Variants in NLGN1 observed in about 807,000 individuals in gnomAD.
The protein encoded by NLGN1 is neuroligin 1.
A neutral mutation model predicts 65.5 loss-of-function variants in NLGN1; 12 were observed. The observed-to-expected ratio is 0.18, with a 90% CI of 0.12 to 0.30. The LOEUF (loss-of-function observed/expected upper bound fraction) is 0.30. NLGN1 is among the 10% of genes least tolerant of loss of function. The probability of loss-of-function intolerance (pLI) is 1.00; values close to 1 mark genes in which losing one functional copy is unlikely to be tolerated. For synonymous variants in NLGN1, 350 were observed against 359.5 expected (o/e 0.97, Z 0.30); for missense variants, 750 against 1,007.1 (o/e 0.74, Z 3.46).
At chr3:173,886,992 C>G (rs1734462625) in intron 4 of NLGN1, among the ~76,000 whole-genome samples, 1 of 152,020 alleles carries the variant, frequency 6.6e-6, no homozygotes, top group Admixed American at 6.6e-5. Context: ...TATCTCTACA[C>G]TTCTTTGTCA....
intron 2 of NLGN1, among the ~76,000 whole-genome samples, chr3:173,472,747 G>T (rs1725513294): frequency 6.6e-6 from 1 of 152,120 alleles, no homozygotes; most frequent in Non-Finnish European, 1.5e-5. Flanking sequence ...AGTGCTTGAA[G>T]AATTTAATTA....
intron 4 of NLGN1, among the ~76,000 whole-genome samples, chr3:173,969,352 T>C (rs1302825701): frequency 6.6e-6 from 1 of 152,152 alleles, no homozygotes; most frequent in Non-Finnish European, 1.5e-5. Context: ...AAATCTATCA[T>C]ATAAATTTCT....
intron 4 of NLGN1, among the ~76,000 whole-genome samples, chr3:174,118,694 T>C (rs1717096885): frequency 1.3e-5 from 2 of 151,354 alleles, no homozygotes; most frequent in African/African-American, 4.9e-5. Context: ...AAGAAGGAGG[T>C]TTCTAGCATG....
chr3:174,263,847 C>T (rs1450785247), intron 4 of NLGN1, among the ~76,000 whole-genome samples: 1 of 151,096 alleles, frequency 6.6e-6, no homozygotes, highest in Non-Finnish European at 1.5e-5. Context: ...ATGTTTAGCG[C>T]TTCCTTCAGG....
At chr3:174,287,935 A>G (rs1752312242), downstream of NLGN1, among the ~76,000 whole-genome samples, 1 of 151,580 alleles carries the variant, frequency 6.6e-6, no homozygotes, top group African/African-American at 2.4e-5. Flanking sequence ...AAGCAATGAA[A>G]GAAATTAGTC....
intron 4 of NLGN1, among the ~76,000 whole-genome samples, chr3:174,133,405 A>C (rs760553885): frequency 6.6e-5 from 10 of 152,138 alleles, no homozygotes; most frequent in Non-Finnish European, 1.5e-4. Context: ...TTCGGGATCC[A>C]TTCCTCTTTT....
intron 4 of NLGN1, among the ~76,000 whole-genome samples, chr3:174,124,594 CGTAT>C (rs1561100413): frequency 3.8e-5 from 3 of 78,892 alleles, no homozygotes; most frequent in African/African-American, 3.7e-4. Context: ...CGTATATATA[CGTAT>C]ACATATATAC....
chr3:174,126,647 T>C (rs1227352036), intron 4 of NLGN1, among the ~76,000 whole-genome samples: 2 of 152,062 alleles, frequency 1.3e-5, no homozygotes, highest in Non-Finnish European at 2.9e-5. Context: ...AACCTGGGAC[T>C]GAGAAGAGAA....
chr3:173,617,587 A>T (rs28468515), intron 3 of NLGN1, among the ~76,000 whole-genome samples: 1 of 152,198 alleles, frequency 6.6e-6, no homozygotes, highest in African/African-American at 2.4e-5. Context: ...CAAAGCCAAC[A>T]TCAGAGTCTT....
intron 4 of NLGN1, among the ~76,000 whole-genome samples, chr3:173,839,782 T>A (rs1724420744): frequency 6.6e-6 from 1 of 152,098 alleles, no homozygotes; most frequent in Non-Finnish European, 1.5e-5. Context: ...CCTATAATGC[T>A]TAAAGCACTC....
intron 4 of NLGN1, among the ~76,000 whole-genome samples, chr3:174,169,902 A>G (rs1255360456): frequency 6.6e-6 from 1 of 152,060 alleles, no homozygotes; most frequent in African/African-American, 2.4e-5. Context: ...GCCTCTCCCT[A>G]AGTAAATTCC....
At chr3:173,699,946 A>C (rs1323986438) in intron 3 of NLGN1, among the ~76,000 whole-genome samples, 1 of 152,226 alleles carries the variant, frequency 6.6e-6, no homozygotes, top group South Asian at 2.1e-4. Flanking sequence ...AGTGCACTGG[A>C]GCATAATTTA....
chr3:174,196,855 A>T (rs1400701703), intron 4 of NLGN1, among the ~76,000 whole-genome samples: 1 of 152,188 alleles, frequency 6.6e-6, no homozygotes, highest in Non-Finnish European at 1.5e-5. Flanking sequence ...ACATATATTG[A>T]CTTTATTCAT....
intron 4 of NLGN1, among the ~76,000 whole-genome samples, chr3:174,079,065 C>A (rs1451151181): frequency 6.6e-6 from 1 of 151,758 alleles, no homozygotes; most frequent in African/African-American, 2.4e-5. Context: ...AACGTTAGTG[C>A]ATTTGGCTAA....
At chr3:174,283,887 A>G (rs188131092) in exon 7 of NLGN1, 1 of 151,650 alleles carries the variant, frequency 6.6e-6, no homozygotes, top group Admixed American at 6.6e-5. Flanking sequence ...TATTAATTAA[A>G]CAAAACACAA....
At chr3:174,206,240 G>C (rs1028361990) in intron 4 of NLGN1, among the ~76,000 whole-genome samples, 1 of 152,110 alleles carries the variant, frequency 6.6e-6, no homozygotes, top group Non-Finnish European at 1.5e-5. Flanking sequence ...CAAAATCCCT[G>C]AGGAGGCATT....
chr3:174,254,306 A>ATTTTTTT (rs371427726), intron 4 of NLGN1, among the ~76,000 whole-genome samples: 21 of 113,756 alleles, frequency 1.8e-4, no homozygotes, highest in Non-Finnish European at 2.6e-4. Flanking sequence ...GTCCTTTTTA[A>ATTTTTTT]TTTTTTTTTT....
At chr3:174,056,640 T>C (rs1429198569) in intron 4 of NLGN1, among the ~76,000 whole-genome samples, 1 of 151,994 alleles carries the variant, frequency 6.6e-6, no homozygotes, top group East Asian at 1.9e-4. Flanking sequence ...TCCTCAAAGA[T>C]AAAGGCCATT....
intron 4 of NLGN1, among the ~76,000 whole-genome samples, chr3:173,948,341 G>C (rs1448861812): frequency 6.6e-6 from 1 of 152,184 alleles, no homozygotes; most frequent in African/African-American, 2.4e-5. Flanking sequence ...GTTAGCTGTT[G>C]ATTTTATCAT....
Sources: gnomAD v4.1 joint callset for allele counts (sites outside exome capture counted in the v4.1 genomes callset) on GRCh38, gnomAD v4.1.1 for gene constraint, MANE v1.5 for transcripts, NCBI Gene and HGNC (gene_info 2026-07-23, HGNC 2026-07-21) for gene names.